Variants in ALPK2 observed in about 807,000 individuals in gnomAD.
The protein encoded by ALPK2 is alpha kinase 2, also known as alpha-protein kinase 2.
In ALPK2, 127 loss-of-function variants were observed where a neutral mutation model predicts 163.1. That is an observed-to-expected ratio of 0.78 (90% CI 0.67 to 0.90). ALPK2 has a LOEUF of 0.90. ALPK2 is among the 40% of genes least tolerant of loss of function. ALPK2 has a pLI of 0.00. For missense variants in ALPK2, 2,360 were observed against 2,589.6 expected (o/e 0.91, Z 1.92); for synonymous variants, 953 against 959.1 (o/e 0.99, Z 0.12).
rs751302581 is a variant in ALPK2, at chr18:58,504,152, G to GCAGGGAAGAGAA, written c.6030-16_6030-5dup. On this transcript the variant is annotated splice_polypyrimidine_tract_variant and splice_region_variant and intron_variant, in intron 10 of 12. Transcript: ENST00000361673. ...GATAAGAAAAATAGGAATGATCCTGGCAGGGAAGAGAACACAGGCGCACAT... is the reference window on the plus strand; with the variant it reads ...GATAAGAAAAATAGGAATGATCCTGGCAGGGAAGAGAACAGGGAAGAGAACACAGGCGCACAT... 43 of 1,612,472 alleles carry GCAGGGAAGAGAA rather than the reference G, an allele frequency of 2.7e-5. No individual in the cohort carries two copies. The East Asian group carries it at 9.4e-4, about 35-fold the overall frequency.
Position 58,605,835 on chromosome 18 carries a change from G to A in ALPK2, c.227+1487C>T, listed in dbSNP as rs143145459. 1.9e-3 allele frequency among the ~76,000 whole-genome samples: 290 copies of A among 152,348 alleles called. 2 individuals carry two copies. The highest frequency in any genetic ancestry group is 6.2e-3 in the African/African-American group (259 of 41,590). ...GGTAAGGGGAAGAATGGCTTTCTTTGTTCACCACTGATCATCCATACCAGA... is the reference window on the plus strand; with the variant it reads ...GGTAAGGGGAAGAATGGCTTTCTTTATTCACCACTGATCATCCATACCAGA... On this transcript the variant is annotated intron_variant, in intron 3 of 12. Transcript: ENST00000361673.
chr18:58,611,221 T>A (rs1602239688), intron 2 of ALPK2, among the ~76,000 whole-genome samples: 1 of 149,094 alleles, frequency 6.7e-6, no homozygotes, highest in Non-Finnish European at 1.5e-5. Flanking sequence ...GGGGTGGCAG[T>A]GAGCCGAGAT....
Position 58,611,764 on chromosome 18 carries a change from G to A in ALPK2, c.34C>T (p.Leu12=). 6.2e-7 allele frequency: 1 copy of A among 1,611,184 alleles called. No individual in the cohort carries two copies. The highest frequency in any genetic ancestry group is 8.5e-7 in the Non-Finnish European group (1 of 1,179,082). ...GAAAGCAATGTAGATAAAAAACACAGCGGGGGCCTCTGGGGCCCTTCGGAG... is the reference window on the plus strand; with the variant it reads ...GAAAGCAATGTAGATAAAAAACACAACGGGGGCCTCTGGGGCCCTTCGGAG... ...KDSEGPQRPP[L]CFLSTLLSQK... Residue 12 remains leucine (L), a synonymous_variant, in exon 2 of 13, where the codon CTG becomes TTG. Transcript: ENST00000361673.
chr18:58,582,306 G>A (rs2144201822), intron 3 of ALPK2, among the ~76,000 whole-genome samples: 2 of 152,170 alleles, frequency 1.3e-5, no homozygotes, highest in South Asian at 4.2e-4. Context: ...GATATCTCTG[G>A]TGCTGAAGAA....
At position 58,570,407 on chromosome 18, in the gene ALPK2, T is replaced by G. The variant is rs987153410; in HGVS notation, c.1962+8407A>C. Among the ~76,000 whole-genome samples, 4 of 152,260 alleles carry G rather than the reference T, an allele frequency of 2.6e-5. No individual in the cohort carries two copies. In the South Asian group the frequency reaches 8.3e-4, roughly 32 times the overall value. On this transcript the variant is annotated intron_variant, in intron 4 of 12. Transcript: ENST00000361673. Reference sequence around the variant, plus strand: ...TGTTACTGGATGGCCATGCAGATTTTCAGGCTGCTGCATACTCTGCCTGTA... The same window carrying G: ...TGTTACTGGATGGCCATGCAGATTTGCAGGCTGCTGCATACTCTGCCTGTA...
intron 3 of ALPK2, among the ~76,000 whole-genome samples, 175 bp downstream of exon 3, chr18:58,607,147 C>G (rs1395215951): frequency 6.6e-6 from 1 of 152,220 alleles, no homozygotes; most frequent in African/African-American, 2.4e-5. Context: ...AGTTACTGAG[C>G]AGAGCTCAGG....
At chr18:58,605,423 T>C (rs1178824850) in intron 3 of ALPK2, among the ~76,000 whole-genome samples, 2 of 152,220 alleles carry the variant, frequency 1.3e-5, no homozygotes, top group South Asian at 2.1e-4. Context: ...TATAGATAGA[T>C]AGATGTCTCC....
At position 58,580,302 on chromosome 18, in the gene ALPK2, G is replaced by A; in HGVS notation, c.474C>T (p.Pro158=). The change falls in exon 4 of 13, where the codon CCC becomes CCT. Residue 158 remains proline (P), a synonymous_variant. Coordinates refer to ENST00000361673, the MANE Select transcript of ALPK2 (RefSeq NM_052947.4). ...KEEESISPGT[P]RSADSSPSKS... is the part of the protein sequence containing the mutation. The stretch of plus-strand genomic sequence containing the variant: ...TGGAGGGGGAGGAGTCAGCTGACCT[G>A]GGAGTGCCCGGGGAGATGCTTTCTT... The A allele has an allele frequency of 6.2e-7, 1 of 1,614,138 alleles. No homozygotes were observed. The highest frequency in any genetic ancestry group is 8.5e-7 in the Non-Finnish European group (1 of 1,180,022).
At chr18:58,571,031 T>C (rs1412206507) in intron 4 of ALPK2, among the ~76,000 whole-genome samples, 2 of 152,128 alleles carry the variant, frequency 1.3e-5, no homozygotes, top group African/African-American at 4.8e-5. Context: ...ATCTTTCTTT[T>C]TTTTTCTTTT....
intron 3 of ALPK2, among the ~76,000 whole-genome samples, chr18:58,606,762 C>T (rs1203645566): frequency 8.8e-6 from 1 of 113,366 alleles, no homozygotes; most frequent in Non-Finnish European, 2.1e-5. Flanking sequence ...TCACCCTGAG[C>T]AGTTCTCATT....
chr18:58,592,062 C>T (rs907596903), intron 3 of ALPK2, among the ~76,000 whole-genome samples: 1 of 152,198 alleles, frequency 6.6e-6, no homozygotes, highest in Non-Finnish European at 1.5e-5. Context: ...ACGCTAACTG[C>T]ATTTCATACC....
At chr18:58,558,075 AT>A (rs948287637) in intron 4 of ALPK2, among the ~76,000 whole-genome samples, 2 of 152,342 alleles carry the variant, frequency 1.3e-5, no homozygotes, top group Non-Finnish European at 2.9e-5. Flanking sequence ...GAGGAACTGA[AT>A]TTTTAATTTT....
At position 58,628,918 on chromosome 18, in the gene ALPK2, AG is replaced by A. The variant is rs1568105665; in HGVS notation, c.-176del. On this transcript the variant is annotated 5_prime_UTR_variant, in exon 1 of 13. The change creates a premature stop within an existing upstream ORF in the 5' untranslated region. Coordinates refer to ENST00000361673, the MANE Select transcript of ALPK2 (RefSeq NM_052947.4). The stretch of plus-strand genomic sequence containing the variant: ...TCAGGGTCTTCCATGATCAGGTCAA[AG>A]CATAGATGGGTCTGCTTCCAGAAAG... 1.3e-5 allele frequency: 2 copies of A among 152,234 alleles called. No individual in the cohort carries two copies. The highest frequency in any genetic ancestry group is 4.8e-5 in the African/African-American group (2 of 41,458). The allele number at this position is 152,234 out of a possible 1,614,324, so 9.4% of individuals were successfully genotyped here. A position where few individuals can be genotyped will look rare whatever the true frequency, so the allele number is the denominator to read the frequency against.
chr18:58,607,385 C>T lies in ALPK2; in HGVS notation c.164G>A (p.Ser55Asn), dbSNP rs375915236. 32 of 1,613,584 alleles carry T rather than the reference C, an allele frequency of 2.0e-5. No individual in the cohort carries two copies. In the African/African-American group the frequency reaches 2.7e-4, roughly 13 times the overall value. The change falls in exon 3 of 13, where the codon AGT becomes AAT. Residue 55 changes from serine to asparagine, a missense_variant. Ser to Asn is a conservative substitution (Grantham distance 46). Transcript: ENST00000361673. ...GAATTCATAGTTGGAAATAATGCCACTCCCATCGATGGCCTGACCATTCTT... is the reference window on the plus strand; with the variant it reads ...GAATTCATAGTTGGAAATAATGCCATTCCCATCGATGGCCTGACCATTCTT... Reference protein sequence around the residue: ...WYKNGQAIDGSGIISNYEFFE... With the variant: ...WYKNGQAIDGNGIISNYEFFE...
At chr18:58,554,277 G>T (rs987088970) in intron 4 of ALPK2, among the ~76,000 whole-genome samples, 2 of 152,212 alleles carry the variant, frequency 1.3e-5, no homozygotes, top group South Asian at 2.1e-4. Context: ...GTAGATCTAT[G>T]TGGAAGACAA....
Position 58,580,068 on chromosome 18 carries a change from A to G in ALPK2, c.708T>C (p.His236=), listed in dbSNP as rs375182355. 192 of 1,614,154 alleles carry G rather than the reference A, an allele frequency of 1.2e-4. No individual in the cohort carries two copies. The highest frequency in any genetic ancestry group is 1.6e-4 in the Non-Finnish European group (185 of 1,180,056). ...KQDRCCHKTV[H]SMASKFTDGD... ...CATCCGTGAACTTTGATGCCATGGA[A>G]TGCACTGTCTTGTGGCAACATCTGT... The change falls in exon 4 of 13, where the codon CAT becomes CAC. Residue 236 remains histidine (H), a synonymous_variant. Transcript: ENST00000361673.
At position 58,611,892 on chromosome 18, in the gene ALPK2, C is replaced by CA; in HGVS notation, c.-20-76dup. ...TGGCCTTCTTAGGAATTCCAGAAAC[C>CA]ACAGGGTGCCGCCCTGGCAGCTCAC... On this transcript the variant is annotated intron_variant, in intron 1 of 12. Transcript: ENST00000361673. 5 of 953,272 alleles carry CA rather than the reference C, an allele frequency of 5.2e-6. No individual in the cohort carries two copies. The South Asian group carries it at 8.5e-5, about 16-fold the overall frequency. The allele number at this position is 953,272 out of a possible 1,614,324, so 59.1% of individuals were successfully genotyped here.
intron 10 of ALPK2, among the ~76,000 whole-genome samples, chr18:58,510,570 G>A (rs1317804996): frequency 6.6e-6 from 1 of 152,142 alleles, no homozygotes; most frequent in Admixed American, 6.5e-5. Flanking sequence ...TTGAGCAGTG[G>A]TTTGTAGTTC....
chr18:58,543,419 T>G (rs2051701682), intron 4 of ALPK2: 1 of 985,226 alleles, frequency 1.0e-6, no homozygotes, highest in African/African-American at 1.7e-5. Flanking sequence ...AGGCAGTCTG[T>G]GCGTTGATAC....
Sources: gnomAD v4.1 joint callset for allele counts (sites outside exome capture counted in the v4.1 genomes callset) on GRCh38, gnomAD v4.1.1 for gene constraint, MANE v1.5 for transcripts, NCBI Gene and HGNC (gene_info 2026-07-23, HGNC 2026-07-21) for gene names.